Variants in MAGI2 observed in about 807,000 individuals in gnomAD.
MAGI2 encodes the protein membrane-associated guanylate kinase, WW and PDZ domain-containing protein 2.
A neutral mutation model predicts 133.3 loss-of-function variants in MAGI2; 35 were observed. The ratio of observed to expected loss-of-function variants is 0.26; its 90% CI spans 0.20 to 0.35. The LOEUF (loss-of-function observed/expected upper bound fraction) is 0.35, where lower values mean the gene tolerates loss of function less well. Ranked by LOEUF, MAGI2 falls within the 10% of genes least tolerant of loss-of-function variation. The pLI, the probability that MAGI2 is intolerant of heterozygous loss-of-function variation, is 1.00. For synonymous variants in MAGI2, 729 were observed against 710.6 expected (o/e 1.03, Z -0.41); for missense variants, 1,636 against 1,863.4 (o/e 0.88, Z 2.25).
intron 21 of MAGI2, among the ~76,000 whole-genome samples, chr7:78,038,887 G>A (rs907875141): frequency 4.6e-5 from 7 of 152,214 alleles, no homozygotes; most frequent in African/African-American, 9.7e-5. Flanking sequence ...CCAAACTCAC[G>A]TCACGTTACC....
intron 21 of MAGI2, among the ~76,000 whole-genome samples, chr7:78,023,145 G>A (rs1012322765): frequency 7.2e-5 from 11 of 152,178 alleles, no homozygotes; most frequent in African/African-American, 2.4e-4. Context: ...TAAAGCACAA[G>A]GGGCCTCTTC....
intron 6 of MAGI2, among the ~76,000 whole-genome samples, chr7:78,468,811 A>G (rs1259747969): frequency 6.6e-6 from 1 of 152,182 alleles, no homozygotes; most frequent in Non-Finnish European, 1.5e-5. Flanking sequence ...CTTGCAGCTA[A>G]TAAATCTGAT....
chr7:78,108,142 G>T (rs1202898203), intron 20 of MAGI2, among the ~76,000 whole-genome samples: 1 of 151,776 alleles, frequency 6.6e-6, no homozygotes, highest in Non-Finnish European at 1.5e-5. Context: ...TATTGTTTTT[G>T]CTGTATCTCA....
intron 1 of MAGI2, among the ~76,000 whole-genome samples, chr7:79,029,487 G>A (rs1343326591): frequency 6.6e-6 from 1 of 151,978 alleles, no homozygotes; most frequent in Non-Finnish European, 1.5e-5. Context: ...ATTATATTTG[G>A]TGACCTGAAA....
At chr7:78,839,344 A>G (rs1480159116) in intron 2 of MAGI2, among the ~76,000 whole-genome samples, 1 of 152,142 alleles carries the variant, frequency 6.6e-6, no homozygotes, top group African/African-American at 2.4e-5. Context: ...ATTCAACTTA[A>G]GTCAAATTGT....
chr7:78,805,701 T>A (rs1040905266), intron 2 of MAGI2, among the ~76,000 whole-genome samples: 1 of 152,166 alleles, frequency 6.6e-6, no homozygotes, highest in Non-Finnish European at 1.5e-5. Context: ...TTCTCTCAGA[T>A]CATTCACTCT....
chr7:79,289,592 T>C (rs1032664868), intron 1 of MAGI2, among the ~76,000 whole-genome samples: 6 of 152,140 alleles, frequency 3.9e-5, no homozygotes, highest in Non-Finnish European at 7.4e-5. Flanking sequence ...CCTAGTTTTA[T>C]TAGACCCAGA....
chr7:79,317,578 C>T (rs1164819192), intron 1 of MAGI2, among the ~76,000 whole-genome samples: 2 of 152,024 alleles, frequency 1.3e-5, no homozygotes, highest in South Asian at 2.1e-4. Flanking sequence ...AACATGTAAT[C>T]GATATAAAAA....
intron 1 of MAGI2, among the ~76,000 whole-genome samples, chr7:79,376,454 T>C (rs1342445922): frequency 1.3e-5 from 2 of 151,920 alleles, no homozygotes; most frequent in African/African-American, 2.4e-5. Context: ...CATTACAACA[T>C]AGCATTAGGC....
chr7:78,660,707 T>C (rs1400522625), intron 2 of MAGI2, among the ~76,000 whole-genome samples: 1 of 152,232 alleles, frequency 6.6e-6, no homozygotes, highest in African/African-American at 2.4e-5. Flanking sequence ...GAATATCTTT[T>C]TACTTAGAAC....
chr7:78,339,098 A>C (rs1232771088), intron 9 of MAGI2, among the ~76,000 whole-genome samples: 2 of 152,194 alleles, frequency 1.3e-5, no homozygotes, highest in African/African-American at 2.4e-5. Context: ...TGTTACAATT[A>C]CGTGTTTATG....
At chr7:79,422,686 G>T (rs1224514047) in intron 1 of MAGI2, among the ~76,000 whole-genome samples, 2 of 151,914 alleles carry the variant, frequency 1.3e-5, no homozygotes, top group Non-Finnish European at 2.9e-5. Flanking sequence ...TCACTTGCTT[G>T]ATTTTATTTA....
intron 10 of MAGI2, among the ~76,000 whole-genome samples, chr7:78,243,825 T>C (rs1791447100): frequency 6.6e-6 from 1 of 152,036 alleles, no homozygotes; most frequent in African/African-American, 2.4e-5. Flanking sequence ...GAATAAAATA[T>C]ATAATAAGGC....
chr7:79,035,975 A>C (rs1270478003), intron 1 of MAGI2, among the ~76,000 whole-genome samples: 13 of 152,236 alleles, frequency 8.5e-5, no homozygotes, highest in African/African-American at 2.9e-4. Context: ...AGAAATATGT[A>C]AGGTGAGAGA....
intron 6 of MAGI2, among the ~76,000 whole-genome samples, chr7:78,370,345 G>A (rs11976225): frequency 1.1e-4 from 16 of 151,866 alleles, no homozygotes; most frequent in African/African-American, 1.7e-4. Context: ...GTGTGTTACC[G>A]CACAATATCA....
intron 10 of MAGI2, among the ~76,000 whole-genome samples, chr7:78,242,651 T>C (rs1206191302): frequency 6.6e-6 from 1 of 152,226 alleles, no homozygotes; most frequent in Non-Finnish European, 1.5e-5. Context: ...ACCTGGTGCT[T>C]TTCTCTCTCA....
Position 78,791,250 on chromosome 7 carries a change from A to G in MAGI2, c.419-164011T>C, listed in dbSNP as rs147213040. 3.1e-3 allele frequency among the ~76,000 whole-genome samples: 476 copies of G among 152,328 alleles called. 1 individual carries two copies. Among genetic ancestry groups the G allele is most frequent in the African/African-American group, 0.011 (451 of 41,590 alleles). On this transcript the variant is annotated intron_variant, in intron 2 of 21. Coordinates refer to ENST00000354212, the MANE Select transcript of MAGI2 (RefSeq NM_012301.4). ...AAGAGAGAGAGAAAAGTTTAACTTA[A>G]CTAATAAAGAAATGCAAATCAAAAC...
At chr7:78,448,726 A>G (rs7784351) in intron 6 of MAGI2, among the ~76,000 whole-genome samples, 38,072 of 152,038 alleles carry the variant, frequency 0.25, 5,006 homozygotes, top group East Asian at 0.43. Context: ...TTAAATATGT[A>G]TATTTGTATG....
intron 1 of MAGI2, chr7:79,413,319 G>T (rs1238170749): frequency 2.0e-5 from 3 of 152,076 alleles, no homozygotes; most frequent in Non-Finnish European, 4.4e-5. Context: ...TAAAGAGGGA[G>T]ATTTTTCTAT....
Sources: gnomAD v4.1 joint callset for allele counts (sites outside exome capture counted in the v4.1 genomes callset) on GRCh38, gnomAD v4.1.1 for gene constraint, MANE v1.5 for transcripts, NCBI Gene and HGNC (gene_info 2026-07-23, HGNC 2026-07-21) for gene names.